CNBD1: variants seen among roughly 807,000 people sequenced by gnomAD.
CNBD1 encodes cyclic nucleotide binding domain containing 1.
Under a neutral mutation model 54.4 loss-of-function variants are expected in CNBD1, and 71 were observed. The observed-to-expected ratio is 1.30, with a 90% CI of 1.08 to 1.59. The LOEUF is 1.59. Ranked by LOEUF, CNBD1 falls within the 40% of genes most tolerant of loss-of-function variation. CNBD1 has a pLI of 0.00. For synonymous variants in CNBD1, 182 were observed against 170.7 expected, an observed-to-expected ratio of 1.07 and a Z score of -0.51; for missense variants, 659 against 518.0, an observed-to-expected ratio of 1.27 and a Z score of -2.64.
chr8:86,934,186 C>T (rs1563827563), intron 3 of CNBD1, among the ~76,000 whole-genome samples: 1 of 152,098 alleles, frequency 6.6e-6, no homozygotes, highest in Non-Finnish European at 1.5e-5. Context: ...GTAGGTCCCC[C>T]ATTTTTATAT....
chr8:87,340,219 A>G (rs1049710020), intron 8 of CNBD1, among the ~76,000 whole-genome samples: 3 of 152,168 alleles, frequency 2.0e-5, no homozygotes, highest in Admixed American at 6.5e-5. Flanking sequence ...CTGACCTTCA[A>G]TGTTTCTGCT....
In CNBD1 at chr8:86,911,220, T is replaced by C. The variant is rs557689131; in HGVS notation, c.272+6026T>C. 3.3e-5 allele frequency among the ~76,000 whole-genome samples: 5 copies of C among 152,338 alleles called. No homozygotes were observed. In the South Asian group the frequency reaches 1.0e-3, roughly 32 times the overall value. On this transcript the variant is annotated intron_variant, in intron 3 of 10. Transcript: ENST00000518476. ...CATGCAAGCTTTTAGCTTGCTTATC[T>C]ATGTTTGCAGCTGGATTACTTTCAG...
chr8:87,419,763 G>T (rs1807896556), intron 2 of CNBD1, among the ~76,000 whole-genome samples: 1 of 151,646 alleles, frequency 6.6e-6, no homozygotes, highest in South Asian at 2.1e-4. Flanking sequence ...TCACTTTAAA[G>T]TATGAATTCC....
At chr8:86,987,411 C>A (rs532690795) in intron 4 of CNBD1, among the ~76,000 whole-genome samples, 12 of 152,200 alleles carry the variant, frequency 7.9e-5, no homozygotes, top group African/African-American at 2.6e-4. Flanking sequence ...TTTTGGCAGT[C>A]TTTAGCATTT....
At chr8:87,301,958 T>C (rs1809006507) in intron 8 of CNBD1, among the ~76,000 whole-genome samples, 5 of 152,162 alleles carry the variant, frequency 3.3e-5, no homozygotes, top group Non-Finnish European at 5.9e-5. Context: ...AATCTCTGAA[T>C]AGACCAATAA....
intron 8 of CNBD1, among the ~76,000 whole-genome samples, chr8:87,339,451 A>G (rs537830141): frequency 1.3e-5 from 2 of 151,688 alleles, no homozygotes; most frequent in Non-Finnish European, 2.9e-5. Flanking sequence ...TTGTGTATCA[A>G]TCTCTCCAAT....
intron 4 of CNBD1, among the ~76,000 whole-genome samples, chr8:87,080,349 C>T (rs538147609): frequency 5.3e-5 from 8 of 151,904 alleles, no homozygotes; most frequent in East Asian, 3.9e-4. Flanking sequence ...TTTGGGAGGC[C>T]GAGGCAGGTG....
intron 6 of CNBD1, among the ~76,000 whole-genome samples, chr8:87,270,668 A>G (rs1808344721): frequency 6.6e-6 from 1 of 151,834 alleles, no homozygotes; most frequent in Admixed American, 6.6e-5. Flanking sequence ...CATCAGGAAT[A>G]TTGGCCTGTA....
intron 8 of CNBD1, among the ~76,000 whole-genome samples, chr8:87,341,067 A>T (rs776166214): frequency 2.0e-5 from 3 of 152,084 alleles, no homozygotes; most frequent in African/African-American, 7.2e-5. Flanking sequence ...GCCTGGCAAG[A>T]GATTCTTTGG....
chr8:87,243,996 G>A (rs554516962), intron 6 of CNBD1, among the ~76,000 whole-genome samples: 79 of 152,154 alleles, frequency 5.2e-4, no homozygotes, highest in Non-Finnish European at 9.9e-4. Context: ...ATTTGAGACA[G>A]GTCTCAGTTA....
At chr8:87,146,348 AC>A (rs1812486824) in intron 4 of CNBD1, among the ~76,000 whole-genome samples, 1 of 152,106 alleles carries the variant, frequency 6.6e-6, no homozygotes, top group African/African-American at 2.4e-5. Flanking sequence ...TTGTGTCTAC[AC>A]CTTTACTTTT....
chr8:87,211,557 C>T (rs948941245), intron 5 of CNBD1, among the ~76,000 whole-genome samples: 1 of 152,148 alleles, frequency 6.6e-6, no homozygotes, highest in Non-Finnish European at 1.5e-5. Context: ...GTACTGTCCT[C>T]ATGATAGTGA....
At chr8:86,974,472 G>C (rs1325306729) in intron 4 of CNBD1, among the ~76,000 whole-genome samples, 4 of 152,000 alleles carry the variant, frequency 2.6e-5, no homozygotes, top group Non-Finnish European at 5.9e-5. Context: ...AGAGACACAA[G>C]ATTATTCACA....
chr8:87,040,549 A>T (rs2943178), intron 4 of CNBD1, among the ~76,000 whole-genome samples: 1 of 150,796 alleles, frequency 6.6e-6, no homozygotes. Flanking sequence ...TCAGCCTCCC[A>T]TGTAGCTGGG....
chr8:86,965,550 T>C (rs1808050216), intron 4 of CNBD1, among the ~76,000 whole-genome samples: 1 of 152,110 alleles, frequency 6.6e-6, no homozygotes, highest in Non-Finnish European at 1.5e-5. Context: ...TGTTTTTTCT[T>C]CATTTTGGCT....
Position 87,156,308 on chromosome 8 carries a change from G to C in CNBD1, c.432-49685G>C, listed in dbSNP as rs1485147075. On this transcript the variant is annotated intron_variant, in intron 4 of 10. Transcript: ENST00000518476. ...CACCCAGGCTGGAGTGTGCTGCTATGATCTCTACTTACTGCAACCTCTGCC... is the reference window on the plus strand; with the variant it reads ...CACCCAGGCTGGAGTGTGCTGCTATCATCTCTACTTACTGCAACCTCTGCC... Among the ~76,000 whole-genome samples, 4 of 73,210 alleles carry C rather than the reference G, an allele frequency of 5.5e-5. No individual in the cohort carries two copies. In the South Asian group the frequency reaches 1.5e-3, roughly 28 times the overall value. The allele number at this position is 73,210 out of a possible 152,430, so 48.0% of individuals were successfully genotyped here. A position where few individuals can be genotyped will look rare whatever the true frequency, so the allele number is the denominator to read the frequency against.
chr8:87,269,582 T>A (rs1808324012), intron 6 of CNBD1, among the ~76,000 whole-genome samples: 1 of 152,114 alleles, frequency 6.6e-6, no homozygotes, highest in Non-Finnish European at 1.5e-5. Context: ...GTTTGTGTCA[T>A]CTATGATTTC....
chr8:87,351,587 G>C, intron 8 of CNBD1, 98 bp from the exon 9 acceptor site: 1 of 1,118,454 alleles, frequency 8.9e-7, no homozygotes, highest in Non-Finnish European at 1.2e-6. Context: ...ACTATTAATA[G>C]TTATTGAATT....
intron 8 of CNBD1, among the ~76,000 whole-genome samples, chr8:87,341,773 C>A (rs1810068440): frequency 6.6e-6 from 1 of 152,328 alleles, no homozygotes; most frequent in Non-Finnish European, 1.5e-5. Flanking sequence ...GAGAGCAAAA[C>A]CTTACCAGAC....
Sources: allele counts gnomAD v4.1 joint callset (sites outside exome capture counted in the v4.1 genomes callset), GRCh38; gene constraint gnomAD v4.1.1; transcripts MANE v1.5; gene names NCBI Gene and HGNC (gene_info 2026-07-23, HGNC 2026-07-21).